NLK: variants seen among roughly 807,000 people sequenced by gnomAD.
NLK encodes serine/threonine-protein kinase NLK.
Under a neutral mutation model 59.0 loss-of-function variants are expected in NLK, and 11 were observed. The ratio of observed to expected loss-of-function variants is 0.19; its 90% CI spans 0.12 to 0.31. NLK has a LOEUF of 0.31. Ranked by LOEUF, NLK falls within the 10% of genes least tolerant of loss-of-function variation. The probability of loss-of-function intolerance (pLI) is 1.00; values close to 1 mark genes in which losing one functional copy is unlikely to be tolerated. For missense variants in NLK, 410 were observed against 661.1 expected (o/e 0.62, Z 4.16); for synonymous variants, 235 against 235.9 (o/e 1.00, Z 0.03).
At chr17:28,044,884 A>G (rs1909000245) in intron 1 of NLK, among the ~76,000 whole-genome samples, 2 of 152,242 alleles carry the variant, frequency 1.3e-5, no homozygotes, top group African/African-American at 4.8e-5. Context: ...ACAATGCTAA[A>G]AACTAGGGAT....
intron 5 of NLK, among the ~76,000 whole-genome samples, chr17:28,165,460 C>G (rs1358965191): frequency 6.6e-6 from 1 of 152,166 alleles, no homozygotes; most frequent in Non-Finnish European, 1.5e-5. Context: ...AAATTTTGCT[C>G]CACTCCTTTG....
intron 1 of NLK, among the ~76,000 whole-genome samples, 173 bp downstream of exon 1, chr17:28,043,504 C>T (rs956984101): frequency 2.0e-5 from 3 of 152,242 alleles, no homozygotes; most frequent in African/African-American, 7.2e-5. Flanking sequence ...CATTGGCTGT[C>T]TAGGCTCATG....
chr17:28,047,164 ACT>A (rs1042504566), intron 1 of NLK, among the ~76,000 whole-genome samples: 2 of 152,224 alleles, frequency 1.3e-5, no homozygotes, highest in Non-Finnish European at 2.9e-5. Context: ...CAATGATTAC[ACT>A]GTCTAGCACA....
chr17:28,147,500 T>C (rs988162057), intron 3 of NLK, among the ~76,000 whole-genome samples: 1 of 152,164 alleles, frequency 6.6e-6, no homozygotes, highest in Non-Finnish European at 1.5e-5. Context: ...TTGATCATGG[T>C]ACAGATCTGC....
downstream of NLK, among the ~76,000 whole-genome samples, chr17:28,198,337 C>CT (rs893831560): frequency 7.5e-4 from 113 of 151,012 alleles, no homozygotes; most frequent in African/African-American, 2.5e-3. Flanking sequence ...ACTTCACTAA[C>CT]TTTTTTTTTG....
At chr17:28,099,568 CTTTT>C (rs945214545) in intron 1 of NLK, among the ~76,000 whole-genome samples, 2 of 122,966 alleles carry the variant, frequency 1.6e-5, no homozygotes, top group African/African-American at 3.3e-5. Flanking sequence ...TTGTGTTTGA[CTTTT>C]TTTTTTTTTT....
At chr17:28,131,684 T>C (rs144466442) in intron 2 of NLK, among the ~76,000 whole-genome samples, 133 of 151,958 alleles carry the variant, frequency 8.8e-4, no homozygotes, top group African/African-American at 3.1e-3. Context: ...GTTTCTTCCA[T>C]GTCCTTTGAG....
At chr17:28,094,389 G>A (rs886844594) in intron 1 of NLK, among the ~76,000 whole-genome samples, 3 of 152,132 alleles carry the variant, frequency 2.0e-5, no homozygotes, top group Non-Finnish European at 4.4e-5. Flanking sequence ...TACTGCCATG[G>A]ATATATTTAC....
At chr17:28,160,880 C>T (rs1228425059) in intron 3 of NLK, among the ~76,000 whole-genome samples, 2 of 152,088 alleles carry the variant, frequency 1.3e-5, no homozygotes, top group African/African-American at 4.8e-5. Context: ...CCTGGCCTGG[C>T]TGTTATTTAA....
At chr17:28,132,312 G>A (rs755445198) in intron 2 of NLK, among the ~76,000 whole-genome samples, 2 of 152,140 alleles carry the variant, frequency 1.3e-5, no homozygotes, top group Non-Finnish European at 1.5e-5. Flanking sequence ...GGCTTCTCAC[G>A]CTCTTAGAGT....
chr17:28,142,014 A>C (rs1224115111), intron 3 of NLK, among the ~76,000 whole-genome samples: 1 of 152,244 alleles, frequency 6.6e-6, no homozygotes. Context: ...TTTGACAGAC[A>C]CAGAGCTTGC....
intron 1 of NLK, among the ~76,000 whole-genome samples, chr17:28,053,179 A>T (rs945317199): frequency 2.0e-5 from 3 of 152,100 alleles, no homozygotes; most frequent in African/African-American, 4.8e-5. Context: ...GGACCTGGAG[A>T]TGGAGTCAGT....
At chr17:28,162,668 T>G (rs371291809) in intron 4 of NLK, among the ~76,000 whole-genome samples, 5 of 152,170 alleles carry the variant, frequency 3.3e-5, no homozygotes, top group African/African-American at 1.2e-4. Context: ...CTCTAAGATT[T>G]GTTCATATTC....
the NLK span, among the ~76,000 whole-genome samples, chr17:28,201,911 G>C: frequency 6.6e-6 from 1 of 152,068 alleles, no homozygotes; most frequent in Non-Finnish European, 1.5e-5. Context: ...AGACACTTAG[G>C]AGGCTGAGGC....
chr17:28,077,256 A>G (rs890677527), intron 1 of NLK, among the ~76,000 whole-genome samples: 16 of 151,946 alleles, frequency 1.1e-4, no homozygotes, highest in Non-Finnish European at 5.9e-5. Context: ...TTGCAGTTCC[A>G]TGTGGCTTGG....
At chr17:28,182,289 T>G (rs1250840183) in intron 7 of NLK, among the ~76,000 whole-genome samples, 1 of 152,188 alleles carries the variant, frequency 6.6e-6, no homozygotes. Flanking sequence ...TTTGTTTGGT[T>G]TTTTTGGATT....
At chr17:28,104,221 G>A (rs891578433) in intron 1 of NLK, among the ~76,000 whole-genome samples, 2 of 151,898 alleles carry the variant, frequency 1.3e-5, no homozygotes, top group African/African-American at 4.8e-5. Flanking sequence ...TATCAAAGTG[G>A]GGCCTGGTCA....
chr17:28,164,168 A>G lies in NLK; in HGVS notation c.837+540A>G, dbSNP rs149535770. Among the ~76,000 whole-genome samples, 50 of 152,182 alleles carry G rather than the reference A, an allele frequency of 3.3e-4. No homozygotes were observed. In the East Asian group the frequency reaches 7.7e-3, roughly 24 times the overall value. ...GCAGATTGCTTGAGCCCAGGAGTTC[A>G]AGACCAGCCTGGGCAATGCAGCAAA... On this transcript the variant is annotated intron_variant, in intron 5 of 10. Transcript: ENST00000407008.
intron 3 of NLK, among the ~76,000 whole-genome samples, chr17:28,139,418 C>T (rs1338813470): frequency 2.0e-5 from 3 of 152,204 alleles, no homozygotes; most frequent in Non-Finnish European, 4.4e-5. Context: ...TTCTCCTTAT[C>T]TCTGAAGCCT....
Sources: gnomAD v4.1 joint callset for allele counts (sites outside exome capture counted in the v4.1 genomes callset) on GRCh38, gnomAD v4.1.1 for gene constraint, MANE v1.5 for transcripts, NCBI Gene and HGNC (gene_info 2026-07-23, HGNC 2026-07-21) for gene names.